The following ASH1L variants were observed in gnomAD, a reference collection of about 807,000 sequenced individuals.
ASH1L encodes the protein histone-lysine N-methyltransferase ASH1L.
ASH1L carries 23 observed loss-of-function variants against 269.0 expected under a neutral mutation model. The observed-to-expected ratio is 0.09, with a 90% CI of 0.06 to 0.12. The LOEUF is 0.12. ASH1L is among the 10% of genes least tolerant of loss of function. The pLI is 1.00. For missense variants in ASH1L, 2,912 were observed against 3,567.8 expected (o/e 0.82, Z 4.68); for synonymous variants, 1,187 against 1,253.5 (o/e 0.95, Z 1.12).
At chr1:155,446,050 T>G (rs1662992846) in intron 4 of ASH1L, among the ~76,000 whole-genome samples, 1 of 149,122 alleles carries the variant, frequency 6.7e-6, no homozygotes, top group African/African-American at 2.5e-5. Flanking sequence ...TTTTTTTTTT[T>G]TTTTGGTATT....
Position 155,534,672 on chromosome 1 carries a change from A to C in ASH1L, c.-99-13054T>G, listed in dbSNP as rs1352065520. On this transcript the variant is annotated intron_variant, in intron 1 of 27. Coordinates refer to ENST00000392403, the MANE Select transcript of ASH1L (RefSeq NM_018489.3). ...TACATTAAATTTTAGGTACCTGTGA[A>C]ACATTTAAGTGGAAAGTCAAAGAGA... Among the ~76,000 whole-genome samples, 5 of 152,222 alleles carry C rather than the reference A, an allele frequency of 3.3e-5. No homozygotes were observed. In the East Asian group the frequency reaches 9.6e-4, roughly 29 times the overall value.
chr1:155,442,200 G>A (rs1299026577), intron 4 of ASH1L, among the ~76,000 whole-genome samples: 1 of 152,062 alleles, frequency 6.6e-6, no homozygotes, highest in Non-Finnish European at 1.5e-5. Flanking sequence ...GCTTTGTTAT[G>A]CAGCAATGGA....
chr1:155,509,457 T>A (rs546585664), intron 2 of ASH1L, among the ~76,000 whole-genome samples: 2 of 152,162 alleles, frequency 1.3e-5, no homozygotes, highest in Non-Finnish European at 2.9e-5. Flanking sequence ...ATTCAGTGTA[T>A]GACAAAGCAG....
chr1:155,352,102 C>T (rs1653978654), intron 17 of ASH1L, among the ~76,000 whole-genome samples: 1 of 151,844 alleles, frequency 6.6e-6, no homozygotes, highest in Non-Finnish European at 1.5e-5. Context: ...GCCCGTGTTT[C>T]ATGCTCAGAA....
chr1:155,397,011 G>C (rs1220519456), intron 6 of ASH1L: 1 of 149,832 alleles, frequency 6.7e-6, no homozygotes, highest in Non-Finnish European at 1.5e-5. Context: ...TTTGGCCCCA[G>C]CTACTCGAGA....
intron 6 of ASH1L, among the ~76,000 whole-genome samples, chr1:155,410,246 T>C (rs1299842965): frequency 1.3e-5 from 2 of 152,106 alleles, no homozygotes; most frequent in African/African-American, 4.8e-5. Flanking sequence ...CTCACTTCAG[T>C]CTCACAAGCA....
Position 155,526,245 on chromosome 1 carries a change from C to T in ASH1L, c.-99-4627G>A, listed in dbSNP as rs572052634. ...AAATGAATGAGTGAATTTTAAGGTT[C>T]CTGTAACTTCTAATACAATGATTGG... On this transcript the variant is annotated intron_variant, in intron 1 of 27. Transcript: ENST00000392403. 3.3e-5 allele frequency among the ~76,000 whole-genome samples: 5 copies of T among 152,250 alleles called. No homozygotes were observed. In the East Asian group the frequency reaches 9.6e-4, roughly 29 times the overall value.
At chr1:155,357,239 G>C in intron 15 of ASH1L, 77 bp downstream of exon 15, 1 of 1,108,602 alleles carries the variant, frequency 9.0e-7, no homozygotes, top group South Asian at 1.4e-5. Context: ...CAACAATATA[G>C]AAGTTTCATA....
intron 2 of ASH1L, among the ~76,000 whole-genome samples, chr1:155,514,324 G>A (rs1014212248): frequency 6.6e-6 from 1 of 151,778 alleles, no homozygotes; most frequent in East Asian, 1.9e-4. Context: ...TTATATATAC[G>A]GATATACATA....
intron 21 of ASH1L, 180 bp downstream of exon 21, chr1:155,346,203 T>C (rs1321387262): frequency 2.6e-6 from 4 of 1,523,290 alleles, no homozygotes; most frequent in Non-Finnish European, 8.8e-7. Context: ...CCTTTGGTCA[T>C]ACTCCTGAAA....
rs1375029995 is a variant in ASH1L, at chr1:155,347,701, G to A, written c.7758C>T (p.Gly2586=). ...TCATGAGACCTTCATCCTTGTAGAG[G>A]CCACAGATACAGCGAATAACATCGT... The part of the protein sequence containing the change: ...KDDDVIRCIC[G]LYKDEGLMIQ... The change falls in exon 20 of 28, where the codon GGC becomes GGT. Residue 2586 remains glycine (G), a synonymous_variant. Transcript: ENST00000392403. The A allele has an allele frequency of 1.9e-6, 3 of 1,614,108 alleles. No homozygotes were observed. The highest frequency in any genetic ancestry group is 1.7e-5 in the Admixed American group (1 of 60,016).
At chr1:155,409,937 G>T (rs887650556) in intron 6 of ASH1L, among the ~76,000 whole-genome samples, 4 of 151,484 alleles carry the variant, frequency 2.6e-5, no homozygotes, top group Non-Finnish European at 2.9e-5. Flanking sequence ...AAGCTGGGGC[G>T]GGCAGATCAC....
intron 2 of ASH1L, among the ~76,000 whole-genome samples, chr1:155,492,904 C>CT (rs1394649427): frequency 3.3e-5 from 5 of 152,092 alleles, no homozygotes; most frequent in Admixed American, 2.6e-4. Flanking sequence ...CTTGCCACAA[C>CT]TTTTGCCCCC....
Position 155,480,004 on chromosome 1 carries a change from C to T in ASH1L, c.2866G>A (p.Val956Ile). 2 of 1,614,014 alleles carry T rather than the reference C, an allele frequency of 1.2e-6. No homozygotes were observed. The highest frequency in any genetic ancestry group is 1.1e-5 in the South Asian group (1 of 91,080). The change falls in exon 3 of 28, where the codon GTC (valine) becomes ATC (isoleucine). Residue 956 changes from valine to isoleucine, a missense_variant. By Grantham distance (29) the Val-to-Ile change is conservative. Transcript: ENST00000392403. ...DDLDDSHRPSVCSMSDLEMEP... is the reference protein window; with the variant it reads ...DDLDDSHRPSICSMSDLEMEP... ...ATCTCAAGGTCACTCATACTACAGA[C>T]ACTTGGCCTATGACTGTCATCTAGG... is the stretch of plus-strand genomic sequence containing the variant.
intron 2 of ASH1L, among the ~76,000 whole-genome samples, chr1:155,502,158 C>A (rs1243644264): frequency 6.6e-6 from 1 of 150,672 alleles, no homozygotes; most frequent in Non-Finnish European, 1.5e-5. Context: ...GCAACCTCCG[C>A]CTCCCGGGTT....
At chr1:155,457,058 TTC>T (rs748589260) in intron 4 of ASH1L, among the ~76,000 whole-genome samples, 2 of 152,184 alleles carry the variant, frequency 1.3e-5, no homozygotes, top group African/African-American at 2.4e-5. Context: ...AAGGTACAGG[TTC>T]TCTGTTAGCC....
chr1:155,466,091 A>C (rs1274117841), intron 3 of ASH1L, among the ~76,000 whole-genome samples: 1 of 152,226 alleles, frequency 6.6e-6, no homozygotes, highest in Non-Finnish European at 1.5e-5. Context: ...GCTGTGGCTC[A>C]TGTCTGTAAT....
At chr1:155,498,809 C>A (rs1374187794) in intron 2 of ASH1L, among the ~76,000 whole-genome samples, 1 of 151,800 alleles carries the variant, frequency 6.6e-6, no homozygotes, top group Non-Finnish European at 1.5e-5. Context: ...TGGTCTTGAA[C>A]TCCTTGGCAT....
chr1:155,528,053 C>A lies in ASH1L; in HGVS notation c.-99-6435G>T, dbSNP rs529417478. Among the ~76,000 whole-genome samples, 260 of 152,144 alleles carry A rather than the reference C, an allele frequency of 1.7e-3. 1 individual carries two copies. The highest frequency in any genetic ancestry group is 3.1e-3 in the Non-Finnish European group (211 of 68,028). On this transcript the variant is annotated intron_variant, in intron 1 of 27. Transcript: ENST00000392403. Reference sequence around the variant, plus strand: ...TCTAACATTGATGATTCACAAATTTCTATCTTCAGATAGAGACTAGCTGAG... The same window carrying A: ...TCTAACATTGATGATTCACAAATTTATATCTTCAGATAGAGACTAGCTGAG...
Sources: gnomAD v4.1 joint callset for allele counts (sites outside exome capture counted in the v4.1 genomes callset) on GRCh38, gnomAD v4.1.1 for gene constraint, MANE v1.5 for transcripts, NCBI Gene and HGNC (gene_info 2026-07-23, HGNC 2026-07-21) for gene names.